Variants in PTPRK observed in about 807,000 individuals in gnomAD.
The protein encoded by PTPRK is receptor-type tyrosine-protein phosphatase kappa.
Under a neutral mutation model 178.0 loss-of-function variants are expected in PTPRK, and 75 were observed. That is an observed-to-expected ratio of 0.42 (90% CI 0.35 to 0.51). The LOEUF (loss-of-function observed/expected upper bound fraction) is 0.51. Among genes scored for constraint, PTPRK ranks in the 20% least tolerant of loss-of-function variants. PTPRK has a pLI of 0.02. For missense variants in PTPRK, 1,441 were observed against 1,797.8 expected (o/e 0.80, Z 3.59); for synonymous variants, 637 against 620.6 (o/e 1.03, Z -0.39).
intron 3 of PTPRK, among the ~76,000 whole-genome samples, chr6:128,259,541 T>A (rs2128292856): frequency 6.6e-6 from 1 of 151,896 alleles, no homozygotes; most frequent in Non-Finnish European, 1.5e-5. Flanking sequence ...ATATTAGGAG[T>A]CATCTCTAGA....
intron 13 of PTPRK, among the ~76,000 whole-genome samples, chr6:128,027,253 AC>A (rs1774466515): frequency 6.6e-6 from 1 of 152,200 alleles, no homozygotes; most frequent in African/African-American, 2.4e-5. Context: ...AGCAGACTCT[AC>A]TAGCATGTTT....
chr6:128,258,205 A>G (rs529773260), intron 3 of PTPRK, among the ~76,000 whole-genome samples: 1 of 152,246 alleles, frequency 6.6e-6, no homozygotes, highest in African/African-American at 2.4e-5. Context: ...GCTTGTCCCT[A>G]TATTCTTCTA....
At chr6:128,023,729 G>T (rs1000707745) in intron 13 of PTPRK, among the ~76,000 whole-genome samples, 3 of 152,072 alleles carry the variant, frequency 2.0e-5, no homozygotes, top group Non-Finnish European at 4.4e-5. Context: ...TCTTGGCTCA[G>T]TGCAGCCTCA....
rs1773672780 is a variant in PTPRK, at chr6:127,969,456, T to C, written c.*771A>G. ...GCTTCCTGGTTTATGAATAAAAAGT[T>C]TATCTTCTACTTACACTAAAACATA... On this transcript the variant is annotated 3_prime_UTR_variant, in exon 30 of 30. Coordinates refer to ENST00000368226, the MANE Select transcript of PTPRK (RefSeq NM_002844.4). 1.3e-5 allele frequency: 2 copies of C among 152,274 alleles called. No homozygotes were observed. The highest frequency in any genetic ancestry group is 4.1e-4 in the South Asian group (2 of 4,822). The allele number at this position is 152,274 out of a possible 1,614,324, so 9.4% of individuals were successfully genotyped here.
chr6:128,169,934 A>AACAAAATAAATTAATGGTG (rs1251876138), intron 7 of PTPRK, among the ~76,000 whole-genome samples: 1 of 151,982 alleles, frequency 6.6e-6, no homozygotes, highest in African/African-American at 2.4e-5. Flanking sequence ...TTATTTGAAA[A>AACAAAATAAATTAATGGTG]ACAAAATAAA....
intron 17 of PTPRK, 56 bp downstream of exon 17, chr6:127,996,845 T>C: frequency 6.4e-7 from 1 of 1,552,162 alleles, no homozygotes. Flanking sequence ...TCTTAAAGTT[T>C]AAAACCATAT....
intron 6 of PTPRK, among the ~76,000 whole-genome samples, chr6:128,207,462 C>A (rs1469189524): frequency 6.6e-6 from 1 of 152,150 alleles, no homozygotes; most frequent in Non-Finnish European, 1.5e-5. Context: ...AAAATGCACT[C>A]ATTTACATGC....
chr6:128,413,580 G>A (rs903444948), intron 1 of PTPRK, among the ~76,000 whole-genome samples: 3 of 152,090 alleles, frequency 2.0e-5, no homozygotes, highest in Non-Finnish European at 4.4e-5. Flanking sequence ...CCTCCGTGGT[G>A]TCTTTGAAAT....
At chr6:128,481,864 GACA>G (rs1852130204) in intron 1 of PTPRK, among the ~76,000 whole-genome samples, 1 of 151,948 alleles carries the variant, frequency 6.6e-6, no homozygotes, top group Non-Finnish European at 1.5e-5. Flanking sequence ...GGACTACATA[GACA>G]ACATTTTGCA....
chr6:128,357,157 A>G (rs1834070344), intron 2 of PTPRK, among the ~76,000 whole-genome samples: 1 of 152,104 alleles, frequency 6.6e-6, no homozygotes. Context: ...GAAACAGATA[A>G]AATTTTTCTC....
intron 13 of PTPRK, among the ~76,000 whole-genome samples, chr6:128,043,297 T>G (rs1362747987): frequency 6.6e-6 from 1 of 151,994 alleles, no homozygotes; most frequent in Non-Finnish European, 1.5e-5. Flanking sequence ...ATAAATGTGG[T>G]GCATTGAAAA....
At chr6:128,473,057 T>C (rs1283480292) in intron 1 of PTPRK, among the ~76,000 whole-genome samples, 2 of 152,070 alleles carry the variant, frequency 1.3e-5, no homozygotes, top group East Asian at 3.9e-4. Context: ...ATAATGTCCT[T>C]TTTAAGTATA....
intron 1 of PTPRK, among the ~76,000 whole-genome samples, chr6:128,503,194 C>A (rs1381263425): frequency 6.6e-6 from 1 of 152,178 alleles, no homozygotes; most frequent in Non-Finnish European, 1.5e-5. Context: ...CCACTGCACT[C>A]CAGCCTAGGC....
At chr6:128,258,515 C>T (rs1001906951) in intron 3 of PTPRK, among the ~76,000 whole-genome samples, 1 of 152,080 alleles carries the variant, frequency 6.6e-6, no homozygotes, top group African/African-American at 2.4e-5. Flanking sequence ...TCGCTATGTA[C>T]TTTTTTCATT....
In PTPRK at chr6:127,982,894, T is replaced by G. The variant is rs1211734533; in HGVS notation, c.3474A>C (p.Ala1158=). 3.1e-6 allele frequency: 5 copies of G among 1,612,596 alleles called. No homozygotes were observed. The highest frequency in any genetic ancestry group is 4.2e-6 in the Non-Finnish European group (5 of 1,178,742). The change falls in exon 24 of 30, where the codon GCA becomes GCC. Residue 1158 remains alanine, a synonymous_variant. Coordinates refer to ENST00000368226, the MANE Select transcript of PTPRK (RefSeq NM_002844.4). Reference sequence around the variant, plus strand: ...AGTCTATTCTAATCATATCAAAATATGCAGCTTTAAATTCACAGACAGGTA... The same window carrying G: ...AGTCTATTCTAATCATATCAAAATAGGCAGCTTTAAATTCACAGACAGGTA... ...TAIPVCEFKA[A]YFDMIRIDSQ...
At position 128,067,809 on chromosome 6, in the gene PTPRK, A is replaced by C. The variant is rs750239045; in HGVS notation, c.1884-17T>G. The C allele has an allele frequency of 6.4e-7, 1 of 1,558,854 alleles. No homozygotes were observed. The highest frequency in any genetic ancestry group is 1.4e-5 in the African/African-American group (1 of 72,810). On this transcript the variant is annotated splice_polypyrimidine_tract_variant and intron_variant, in intron 11 of 29. Coordinates refer to ENST00000368226, the MANE Select transcript of PTPRK (RefSeq NM_002844.4). ...TGATAAGCACTTTGGGGAAAAGAAA[A>C]AAAGAACACACATATATATACACAC...
At position 128,519,462 on chromosome 6, in the gene PTPRK, G is replaced by A. The variant is rs963106519; in HGVS notation, c.100+797C>T. The stretch of plus-strand genomic sequence containing the variant: ...CTTCCAGCCCCAGGCCGGATCCGGG[G>A]AGCGCGGGGCCAGAGCCCCAGGCCG... On this transcript the variant is annotated intron_variant, in intron 1 of 29. Transcript: ENST00000368226. This position sits in a 1 kb window ranked among gnomAD's most constrained non-coding sequence, Gnocchi z 4.3. Among the ~76,000 whole-genome samples, 1 of 151,972 alleles carries A rather than the reference G, an allele frequency of 6.6e-6. No homozygotes were observed. Among genetic ancestry groups the A allele is most frequent in the African/African-American group, 2.4e-5 (1 of 41,386 alleles).
intron 3 of PTPRK, among the ~76,000 whole-genome samples, chr6:128,262,559 A>G (rs1462577684): frequency 2.0e-5 from 3 of 152,160 alleles, no homozygotes; most frequent in African/African-American, 4.8e-5. Flanking sequence ...ACTAGACCCA[A>G]CTACAGAGCT....
At chr6:128,194,367 T>A (rs1010260491) in intron 6 of PTPRK, among the ~76,000 whole-genome samples, 4 of 152,066 alleles carry the variant, frequency 2.6e-5, no homozygotes, top group African/African-American at 9.7e-5. Context: ...ATTACAGGCG[T>A]GAGCCACCGC....
Sources: gnomAD v4.1 joint callset for allele counts (sites outside exome capture counted in the v4.1 genomes callset) on GRCh38, gnomAD v4.1.1 for gene constraint, Gnocchi (gnomAD v3.1) non-coding constraint, MANE v1.5 for transcripts, NCBI Gene and HGNC (gene_info 2026-07-23, HGNC 2026-07-21) for gene names.